The following TMEM135 variants were observed in gnomAD, a reference collection of about 807,000 sequenced individuals.
TMEM135 encodes the protein transmembrane protein 135.
TMEM135 carries 30 observed loss-of-function variants against 60.3 expected under a neutral mutation model. That is an observed-to-expected ratio of 0.50 (90% confidence interval 0.37 to 0.68). The LOEUF (loss-of-function observed/expected upper bound fraction) is 0.68, where lower values mean the gene tolerates loss of function less well. Ranked by LOEUF, TMEM135 falls within the 30% of genes least tolerant of loss-of-function variation. The pLI is 0.00. For synonymous variants in TMEM135, 190 were observed against 186.7 expected (o/e 1.02, Z -0.14); for missense variants, 468 against 548.8 (o/e 0.85, Z 1.47).
intron 1 of TMEM135, among the ~76,000 whole-genome samples, chr11:87,045,310 G>A (rs571216489): frequency 1.1e-4 from 16 of 152,254 alleles, no homozygotes; most frequent in East Asian, 3.9e-4. Flanking sequence ...GATTACAGGC[G>A]TGAGCCACCG....
chr11:87,105,352 T>C (rs903935367), intron 4 of TMEM135, among the ~76,000 whole-genome samples: 1 of 152,136 alleles, frequency 6.6e-6, no homozygotes, highest in Non-Finnish European at 1.5e-5. Flanking sequence ...CCGAACCCAA[T>C]TGCGAACTGC....
chr11:87,205,697 G>A (rs1379351367), intron 5 of TMEM135, among the ~76,000 whole-genome samples: 2 of 152,138 alleles, frequency 1.3e-5, no homozygotes, highest in Non-Finnish European at 2.9e-5. Context: ...AGGTGCTAGA[G>A]GCATATGAAT....
chr11:87,228,922 G>T (rs1387370199), intron 5 of TMEM135, among the ~76,000 whole-genome samples: 1 of 152,032 alleles, frequency 6.6e-6, no homozygotes, highest in Non-Finnish European at 1.5e-5. Context: ...GCTACTGCTT[G>T]TGAGGCATAG....
rs1265913383 is a variant in TMEM135, at chr11:87,325,402, C to T, written c.*4069C>T. On this transcript the variant is annotated 3_prime_UTR_variant, in exon 15 of 15. Transcript: ENST00000305494. Reference sequence around the variant, plus strand: ...GTGAATAAGAATGTGTGCTATTTTACACACAGAAGAAAATGATTGACTTTT... The same window carrying T: ...GTGAATAAGAATGTGTGCTATTTTATACACAGAAGAAAATGATTGACTTTT... The T allele has an allele frequency of 1.3e-5, 6 of 453,924 alleles. No homozygotes were observed. Among genetic ancestry groups the T allele is most frequent in the East Asian group, 1.4e-4 (2 of 14,406 alleles). The allele number at this position is 453,924 out of a possible 1,614,324, so 28.1% of individuals were successfully genotyped here.
chr11:87,197,570 G>T (rs1057061726), intron 5 of TMEM135, among the ~76,000 whole-genome samples: 1 of 151,332 alleles, frequency 6.6e-6, no homozygotes, highest in Non-Finnish European at 1.5e-5. Context: ...TTTATGATGG[G>T]ACTTTCCAAT....
intron 1 of TMEM135, among the ~76,000 whole-genome samples, chr11:87,046,235 C>T (rs1313293311): frequency 6.6e-6 from 1 of 152,012 alleles, no homozygotes; most frequent in Non-Finnish European, 1.5e-5. Flanking sequence ...TGAAACCCCT[C>T]CCCTACTAAA....
chr11:87,308,835 A>G (rs1942594000), intron 9 of TMEM135, among the ~76,000 whole-genome samples: 1 of 152,310 alleles, frequency 6.6e-6, no homozygotes, highest in Middle Eastern at 3.4e-3. Context: ...GTTGAAGGAA[A>G]TATAGAGAAA....
chr11:87,144,664 CTCTA>C (rs1478951553), intron 4 of TMEM135, among the ~76,000 whole-genome samples: 1 of 151,712 alleles, frequency 6.6e-6, no homozygotes, highest in African/African-American at 2.4e-5. Context: ...TTGGAATTCA[CTCTA>C]TCTAACCATA....
At chr11:87,142,343 G>C (rs1938285702) in intron 4 of TMEM135, among the ~76,000 whole-genome samples, 1 of 152,234 alleles carries the variant, frequency 6.6e-6, no homozygotes, top group African/African-American at 2.4e-5. Flanking sequence ...GGCATGGATA[G>C]AGTACTGTGG....
chr11:87,245,287 G>C (rs1346076002), intron 6 of TMEM135, among the ~76,000 whole-genome samples: 1 of 149,028 alleles, frequency 6.7e-6, no homozygotes, highest in African/African-American at 2.5e-5. Context: ...GGTCAATTTT[G>C]GAATAGGTGT....
chr11:87,119,274 C>A (rs1445066097), intron 4 of TMEM135, among the ~76,000 whole-genome samples: 4 of 152,070 alleles, frequency 2.6e-5, no homozygotes, highest in Non-Finnish European at 4.4e-5. Flanking sequence ...AATAGGGAGA[C>A]CTGAGGAGAG....
intron 3 of TMEM135, among the ~76,000 whole-genome samples, chr11:87,089,025 A>G (rs1857152775): frequency 6.6e-6 from 1 of 152,232 alleles, no homozygotes; most frequent in African/African-American, 2.4e-5. Flanking sequence ...AGTTGTATGT[A>G]TTTAGGTTGG....
chr11:87,247,950 C>T (rs2135387433), intron 6 of TMEM135, among the ~76,000 whole-genome samples: 1 of 151,890 alleles, frequency 6.6e-6, no homozygotes, highest in South Asian at 2.1e-4. Flanking sequence ...TTCTGCGTCG[C>T]TCACACTGGG....
In TMEM135 at chr11:87,195,385, CCTTCCT is replaced by C. The variant is rs1454642200; in HGVS notation, c.462+37980_462+37985del. On this transcript the variant is annotated intron_variant, in intron 5 of 14. Transcript: ENST00000305494. ...TCCTTCCTTCCTTCCTTCCTTCCTT[CCTTCCT>C]TCTCTCTCTCTCTCTCTCTGTTTCT... Among the ~76,000 whole-genome samples, 654 of 91,292 alleles carry C rather than the reference CCTTCCT, an allele frequency of 7.2e-3. 19 individuals carry two copies. The highest frequency in any genetic ancestry group is 9.2e-3 in the Non-Finnish European group (381 of 41,398). 59.9% of individuals were successfully genotyped at this position (91,292 alleles called of 152,430 possible).
rs146554871 is a variant in TMEM135, at chr11:87,250,226, C to T, written c.509+13542C>T. Among the ~76,000 whole-genome samples the T allele has an allele frequency of 8.4e-4, 127 of 152,030 alleles. 1 individual carries two copies. The highest frequency in any genetic ancestry group is 1.6e-3 in the Non-Finnish European group (108 of 67,936). On this transcript the variant is annotated intron_variant, in intron 6 of 14. Coordinates refer to ENST00000305494, the MANE Select transcript of TMEM135 (RefSeq NM_022918.4). ...TTAGTTATTCTGGCTAAAGTTTTGTCGATCTATTTATCTTTTCAAAAAACC... is the reference window on the plus strand; with the variant it reads ...TTAGTTATTCTGGCTAAAGTTTTGTTGATCTATTTATCTTTTCAAAAAACC...
At chr11:87,319,574 G>A (rs74446687) in intron 14 of TMEM135, among the ~76,000 whole-genome samples, 197 bp downstream of exon 14, 12,958 of 151,946 alleles carry the variant, frequency 0.085, 646 homozygotes, top group South Asian at 0.11. Context: ...GTTTTAAGTG[G>A]TCTAGATTAA....
intron 4 of TMEM135, among the ~76,000 whole-genome samples, chr11:87,123,409 G>A (rs1937636351): frequency 6.6e-6 from 1 of 152,134 alleles, no homozygotes; most frequent in African/African-American, 2.4e-5. Flanking sequence ...TTCTCTCTCT[G>A]TCTGTGTGAT....
At chr11:87,181,966 A>T (rs1227793150) in intron 5 of TMEM135, among the ~76,000 whole-genome samples, 5 of 149,702 alleles carry the variant, frequency 3.3e-5, no homozygotes, top group South Asian at 2.1e-4. Flanking sequence ...TTTTTTTTTT[A>T]AAGAGAGAAT....
intron 6 of TMEM135, among the ~76,000 whole-genome samples, chr11:87,282,357 C>G (rs921796846): frequency 5.9e-5 from 9 of 152,060 alleles, no homozygotes; most frequent in Non-Finnish European, 4.4e-5. Flanking sequence ...CTCCGCCTCC[C>G]GGGTTCAAGC....
Sources: allele counts gnomAD v4.1 joint callset (sites outside exome capture counted in the v4.1 genomes callset), GRCh38; gene constraint gnomAD v4.1.1; transcripts MANE v1.5; gene names NCBI Gene and HGNC (gene_info 2026-07-23, HGNC 2026-07-21).